The following AP1G2 variants were observed in gnomAD, a reference collection of about 807,000 sequenced individuals.
The protein encoded by AP1G2 is AP-1 complex subunit gamma-like 2.
In AP1G2, 85 loss-of-function variants were observed where a neutral mutation model predicts 95.8. That is an observed-to-expected ratio of 0.89 (90% confidence interval 0.74 to 1.06). The LOEUF (loss-of-function observed/expected upper bound fraction) is 1.06, where lower values mean the gene tolerates loss of function less well. Ranked by LOEUF, AP1G2 falls within the 50% of genes least tolerant of loss-of-function variation. The probability of loss-of-function intolerance (pLI) is 0.00; values close to 1 mark genes in which losing one functional copy is unlikely to be tolerated. For missense variants in AP1G2, 967 were observed against 1,005.8 expected, an observed-to-expected ratio of 0.96 and a Z score of 0.52; for synonymous variants, 378 against 400.0, an observed-to-expected ratio of 0.94 and a Z score of 0.66.
Position 23,560,043 on chromosome 14 carries a change from A to T in AP1G2, c.2158-7T>A. ...GCAGCTGCAGCTGGAGACTCTGAAC[A>T]CAGGAGTTTAACAGAGCACAGTATG... On this transcript the variant is annotated splice_region_variant and splice_polypyrimidine_tract_variant and intron_variant, in intron 20 of 21. Transcript: ENST00000397120. The T allele has an allele frequency of 6.3e-7, 1 of 1,588,248 alleles. No individual in the cohort carries two copies. Among genetic ancestry groups the T allele is most frequent in the Non-Finnish European group, 8.6e-7 (1 of 1,160,456 alleles).
At chr14:23,566,906 T>C in intron 2 of AP1G2, 1 of 877,332 alleles carries the variant, frequency 1.1e-6, no homozygotes, top group East Asian at 2.7e-5. Context: ...ATGCCTGCCC[T>C]AAAGGAGGCT....
Position 23,567,107 on chromosome 14 carries a change from G to C in AP1G2, c.204+4C>G, listed in dbSNP as rs749831963. The C allele has an allele frequency of 1.1e-5, 18 of 1,608,802 alleles. No individual in the cohort carries two copies. Among genetic ancestry groups the C allele is most frequent in the African/African-American group, 2.7e-5 (2 of 74,720 alleles). On this transcript the variant is annotated splice_donor_region_variant and intron_variant, in intron 2 of 21. Transcript: ENST00000397120. The surrounding 1 kb of genome is among the most constrained non-coding windows in gnomAD (Gnocchi z 5.3). ...CTCAGGAGGGAGGTATTCCTGGCCAGTACCTGTCCAAAGTGGGCGGGGTAG... is the reference window on the plus strand; with the variant it reads ...CTCAGGAGGGAGGTATTCCTGGCCACTACCTGTCCAAAGTGGGCGGGGTAG...
intron 7 of AP1G2, 193 bp from the exon 8 acceptor site, chr14:23,565,392 T>A: frequency 1.5e-6 from 1 of 663,382 alleles, no homozygotes; most frequent in Non-Finnish European, 2.5e-6. Context: ...AGGACAGGCT[T>A]AAAAAAAAAA....
At chr14:23,564,441 T>C (rs565716160) in intron 9 of AP1G2, 53 bp from the exon 10 acceptor site, 18 of 1,608,672 alleles carry the variant, frequency 1.1e-5, no homozygotes, top group Middle Eastern at 1.7e-4. Flanking sequence ...TGCTCAGCCA[T>C]TGAGGACTGG....
intron 14 of AP1G2, chr14:23,563,032 A>T: frequency 8.7e-7 from 1 of 1,146,484 alleles, no homozygotes; most frequent in African/African-American, 1.6e-5. Context: ...AAGATGGAAA[A>T]GGGGGCTATA....
chr14:23,564,741 G>A (rs563504238), intron 8 of AP1G2, 81 bp from the exon 9 acceptor site: 102 of 1,325,256 alleles, frequency 7.7e-5, no homozygotes, highest in African/African-American at 5.8e-4. Flanking sequence ...TCACTCTGTC[G>A]CCCAAAGCTC....
Position 23,564,545 on chromosome 14 carries a change from G to A in AP1G2, c.921+17C>T. Reference sequence around the variant, plus strand: ...TGGTGGGCGGGGCCGTAGTGGGAGAGGCATAAGGGGTGATACCCGTAGGCC... The same window carrying A: ...TGGTGGGCGGGGCCGTAGTGGGAGAAGCATAAGGGGTGATACCCGTAGGCC... On this transcript the variant is annotated intron_variant, in intron 9 of 21. Coordinates refer to ENST00000397120, the MANE Select transcript of AP1G2 (RefSeq NM_003917.5). 1 of 1,612,198 alleles carries A rather than the reference G, an allele frequency of 6.2e-7. No individual in the cohort carries two copies. The highest frequency in any genetic ancestry group is 1.3e-5 in the African/African-American group (1 of 74,976).
Position 23,566,264 on chromosome 14 carries a change from T to C in AP1G2, c.471+14A>G, listed in dbSNP as rs536451655. On this transcript the variant is annotated intron_variant, in intron 4 of 21. Coordinates refer to ENST00000397120, the MANE Select transcript of AP1G2 (RefSeq NM_003917.5). ...AGTGTGCAGGAGCACGTGCCAGGAG[T>C]CCCGCCATCTCACCTTCTTGCGCAC... 4 of 1,613,142 alleles carry C rather than the reference T, an allele frequency of 2.5e-6. No individual in the cohort carries two copies. The highest frequency in any genetic ancestry group is 3.4e-6 in the Non-Finnish European group (4 of 1,179,684).
At chr14:23,560,113 A>C (rs1595241313) in intron 20 of AP1G2, 77 bp from the exon 21 acceptor site, 1 of 1,418,094 alleles carries the variant, frequency 7.1e-7, no homozygotes, top group East Asian at 2.4e-5. Flanking sequence ...CAGTGGCTCC[A>C]CACCCTTTTC....
At chr14:23,565,378 G>T in intron 7 of AP1G2, 179 bp from the exon 8 acceptor site, 2 of 730,932 alleles carry the variant, frequency 2.7e-6, no homozygotes, top group Non-Finnish European at 2.2e-6. Flanking sequence ...GGCCAGGGGA[G>T]TTTAGGACAG....
At position 23,562,270 on chromosome 14, in the gene AP1G2, G is replaced by A; in HGVS notation, c.1628+18C>T. 1.9e-6 allele frequency: 3 copies of A among 1,613,932 alleles called. No individual in the cohort carries two copies. The highest frequency in any genetic ancestry group is 1.1e-5 in the South Asian group (1 of 91,068). On this transcript the variant is annotated intron_variant, in intron 16 of 21. Coordinates refer to ENST00000397120, the MANE Select transcript of AP1G2 (RefSeq NM_003917.5). ...CCAGTGACAGGCCATCTCTCAAGGG[G>A]CTGGGACCCCTTCTTACTTGTTGTC...
rs568501245 is a variant in AP1G2, at chr14:23,567,386, G to C, written c.-5-67C>G. 13 of 1,476,126 alleles carry C rather than the reference G, an allele frequency of 8.8e-6. No homozygotes were observed. The East Asian group carries it at 2.7e-4, about 31-fold the overall frequency. 91.4% of individuals were successfully genotyped at this position (1,476,126 alleles called of 1,614,324 possible). On this transcript the variant is annotated intron_variant, in intron 1 of 21. Transcript: ENST00000397120. This position sits in a 1 kb window ranked among gnomAD's most constrained non-coding sequence, Gnocchi z 5.3. ...GTGCCTGGGCTTTCGGCCCAGGCCC[G>C]TCCTGTGTCAAGACCCTAAGAGCCC...
Position 23,565,862 on chromosome 14 carries a change from G to A in AP1G2, c.599C>T (p.Thr200Met), listed in dbSNP as rs143609508. 8.2e-4 allele frequency: 1,301 copies of A among 1,578,232 alleles called. No homozygotes were observed. The highest frequency in any genetic ancestry group is 1.0e-3 in the Non-Finnish European group (1,191 of 1,163,178). Residue 200 changes from threonine to methionine, a missense_variant, in exon 6 of 22, where the codon ACG (threonine) becomes ATG (methionine). Transcript: ENST00000397120. ...GILLGTITLI[T>M]ELCERSPAAL... The stretch of plus-strand genomic sequence containing the variant: ...TGCAGGGCTTCGTTCGCAGAGCTCC[G>A]TGATCAGCGTGATGGTGCCCAGCAG...
At chr14:23,564,695 G>C (rs749109487) in intron 8 of AP1G2, 35 bp from the exon 9 acceptor site, 3 of 1,591,504 alleles carry the variant, frequency 1.9e-6, no homozygotes, top group Non-Finnish European at 2.6e-6. Context: ...ATCTGCTCAA[G>C]GCCCTCCTCA....
At chr14:23,563,326 G>A in intron 14 of AP1G2, 54 bp downstream of exon 14, 1 of 1,551,792 alleles carries the variant, frequency 6.4e-7, no homozygotes, top group South Asian at 1.2e-5. Context: ...GGTGGCCCAG[G>A]ATGGGCAAGG....
At chr14:23,562,929 A>AACT in intron 14 of AP1G2, 1 of 626,606 alleles carries the variant, frequency 1.6e-6, no homozygotes, top group Non-Finnish European at 2.4e-6. Flanking sequence ...CAAGCATCAG[A>AACT]ACTACATGGC....
rs778464538 is a variant in AP1G2 at position 23,564,107 on chromosome 14, C to A, written c.1030G>T (p.Val344Leu). The A allele has an allele frequency of 3.7e-6, 6 of 1,614,092 alleles. No homozygotes were observed. Among genetic ancestry groups the A allele is most frequent in the African/African-American group, 1.3e-5 (1 of 74,940 alleles). Residue 344 changes from valine (V) to leucine (L), a missense_variant, in exon 11 of 22, where the codon GTG (valine) becomes TTG (leucine). Val to Leu is a conservative substitution (Grantham distance 32). Coordinates refer to ENST00000397120, the MANE Select transcript of AP1G2 (RefSeq NM_003917.5). ...LRLVQSDHSA[V>L]QRHRPTVVEC... is the part of the protein sequence containing the mutation. ...ACCACAGTGGGCCGATGCCGCTGCACAGCACTGTGATCAGACTGCACCAGT... is the reference window on the plus strand; with the variant it reads ...ACCACAGTGGGCCGATGCCGCTGCAAAGCACTGTGATCAGACTGCACCAGT...
chr14:23,565,290 G>T, intron 7 of AP1G2, 91 bp from the exon 8 acceptor site: 2 of 1,355,716 alleles, frequency 1.5e-6, no homozygotes, highest in Non-Finnish European at 2.1e-6. Context: ...TGAGGGTCTG[G>T]CTCGCTCCCT....
chr14:23,560,108 G>A, intron 20 of AP1G2, 72 bp from the exon 21 acceptor site: 1 of 1,408,132 alleles, frequency 7.1e-7, no homozygotes. Flanking sequence ...ATACTCAGTG[G>A]CTCCACACCC....
Sources: allele counts gnomAD v4.1 joint callset, GRCh38; gene constraint gnomAD v4.1.1; non-coding constraint Gnocchi (gnomAD v3.1); transcripts MANE v1.5; gene names NCBI Gene and HGNC (gene_info 2026-07-23, HGNC 2026-07-21).